Variants in MSI2 observed in about 807,000 individuals in gnomAD.
MSI2 encodes the protein RNA-binding protein Musashi homolog 2.
MSI2 carries 17 observed loss-of-function variants against 45.6 expected under a neutral mutation model. The ratio of observed to expected loss-of-function variants is 0.37; its 90% CI spans 0.26 to 0.56. MSI2 has a LOEUF of 0.56. Ranked by LOEUF, MSI2 falls within the 20% of genes least tolerant of loss-of-function variation. The pLI is 0.77. For synonymous variants in MSI2, 156 were observed against 158.2 expected, an observed-to-expected ratio of 0.99 and a Z score of 0.11; for missense variants, 293 against 444.2, an observed-to-expected ratio of 0.66 and a Z score of 3.06.
At chr17:57,276,113 G>T (rs77404000) in intron 5 of MSI2, among the ~76,000 whole-genome samples, 2,400 of 152,278 alleles carry the variant, frequency 0.016, 61 homozygotes, top group African/African-American at 0.055. Context: ...AGAAGATTCT[G>T]TAGGGGTTTT....
intron 5 of MSI2, among the ~76,000 whole-genome samples, chr17:57,354,899 T>C (rs1273857238): frequency 6.6e-6 from 1 of 152,014 alleles, no homozygotes; most frequent in African/African-American, 2.4e-5. Context: ...GTGGAAGTGG[T>C]TTTATGGGGC....
chr17:57,309,446 T>C (rs1912183713), intron 5 of MSI2, among the ~76,000 whole-genome samples: 1 of 152,186 alleles, frequency 6.6e-6, no homozygotes, highest in Admixed American at 6.5e-5. Context: ...AATAAGTGGC[T>C]TTAATCGTCT....
chr17:57,589,951 C>T (rs1210115919), intron 7 of MSI2, among the ~76,000 whole-genome samples: 2 of 152,164 alleles, frequency 1.3e-5, no homozygotes, highest in Non-Finnish European at 2.9e-5. Context: ...GAAAGTGCTC[C>T]CCACACCCAC....
intron 10 of MSI2, among the ~76,000 whole-genome samples, chr17:57,635,094 A>G (rs1316447680): frequency 3.3e-5 from 5 of 152,236 alleles, no homozygotes; most frequent in African/African-American, 1.2e-4. Context: ...GTAGACACTT[A>G]GCAATTTCTG....
At chr17:57,570,153 C>A (rs1187430773) in intron 7 of MSI2, among the ~76,000 whole-genome samples, 2 of 152,174 alleles carry the variant, frequency 1.3e-5, no homozygotes, top group South Asian at 2.1e-4. Context: ...CACAAAAAAG[C>A]TATAAAATTT....
intron 12 of MSI2, among the ~76,000 whole-genome samples, chr17:57,675,672 G>A (rs1913179309): frequency 6.6e-6 from 1 of 152,140 alleles, no homozygotes; most frequent in Non-Finnish European, 1.5e-5. Context: ...GCTGGAGCCC[G>A]GGAGGTGGTG....
intron 6 of MSI2, among the ~76,000 whole-genome samples, chr17:57,512,968 C>CTTTTTTTTTTTTTTTTTTTTTTTTT (rs34727727): frequency 1.7e-5 from 2 of 114,718 alleles, no homozygotes; most frequent in Non-Finnish European, 3.4e-5. Context: ...TAGCTTCTTC[C>CTTTTTTTTTTTTTTTTTTTTTTTTT]TTTTTTTTTT....
intron 5 of MSI2, among the ~76,000 whole-genome samples, chr17:57,304,357 C>T (rs1361545243): frequency 1.8e-5 from 1 of 55,112 alleles, no homozygotes; most frequent in Non-Finnish European, 3.9e-5. Context: ...ACTCTGTCTC[C>T]AAAAAAAAAA....
At chr17:57,492,424 G>C (rs903803939) in intron 6 of MSI2, among the ~76,000 whole-genome samples, 1 of 152,192 alleles carries the variant, frequency 6.6e-6, no homozygotes, top group African/African-American at 2.4e-5. Context: ...CAATACTGAG[G>C]GTTCTCAAAT....
intron 8 of MSI2, among the ~76,000 whole-genome samples, chr17:57,614,378 T>G (rs1196691991): frequency 1.3e-5 from 2 of 152,200 alleles, no homozygotes; most frequent in African/African-American, 4.8e-5. Context: ...AAACAATGTA[T>G]ATTGCACACA....
chr17:57,284,117 C>T (rs1174151266), intron 5 of MSI2, among the ~76,000 whole-genome samples: 1 of 152,178 alleles, frequency 6.6e-6, no homozygotes, highest in East Asian at 1.9e-4. Flanking sequence ...TCAAAAGGGG[C>T]CCGCTGAGTT....
At chr17:57,321,488 T>C (rs1055146504) in intron 5 of MSI2, among the ~76,000 whole-genome samples, 1 of 152,148 alleles carries the variant, frequency 6.6e-6, no homozygotes, top group Non-Finnish European at 1.5e-5. Flanking sequence ...GTTATGGAAA[T>C]GCCTCGGCTT....
intron 7 of MSI2, among the ~76,000 whole-genome samples, chr17:57,541,810 ACTCC>A (rs1416398626): frequency 2.0e-5 from 3 of 151,994 alleles, no homozygotes; most frequent in African/African-American, 7.3e-5. Context: ...ACCTTTGAGC[ACTCC>A]TTACGCATTT....
the MSI2 span, among the ~76,000 whole-genome samples, chr17:57,691,505 A>G: frequency 3.3e-5 from 5 of 152,172 alleles, no homozygotes; most frequent in Non-Finnish European, 7.4e-5. Flanking sequence ...TACACAAGGG[A>G]CATTTTTCTG....
intron 5 of MSI2, among the ~76,000 whole-genome samples, chr17:57,299,482 T>C (rs937155171): frequency 1.6e-4 from 24 of 152,162 alleles, no homozygotes; most frequent in African/African-American, 5.3e-4. Flanking sequence ...GGGTTATTAA[T>C]TGGGCTAATT....
At chr17:57,292,613 A>G (rs1010506008) in intron 5 of MSI2, among the ~76,000 whole-genome samples, 1 of 152,250 alleles carries the variant, frequency 6.6e-6, no homozygotes, top group Non-Finnish European at 1.5e-5. Context: ...CCAGTTGCTA[A>G]GGTGCCTGGA....
intron 7 of MSI2, among the ~76,000 whole-genome samples, chr17:57,591,186 C>T (rs1398611003): frequency 6.6e-6 from 1 of 152,150 alleles, no homozygotes; most frequent in Non-Finnish European, 1.5e-5. Context: ...TGCTACACCT[C>T]AGTTTGATGG....
intron 5 of MSI2, among the ~76,000 whole-genome samples, chr17:57,291,868 G>C (rs1436798562): frequency 6.6e-6 from 1 of 152,026 alleles, no homozygotes; most frequent in Non-Finnish European, 1.5e-5. Flanking sequence ...CCCTGAATGT[G>C]CCCGATCTCA....
chr17:57,518,438 A>G (rs1037990809), intron 6 of MSI2, among the ~76,000 whole-genome samples: 2 of 152,218 alleles, frequency 1.3e-5, no homozygotes, highest in African/African-American at 4.8e-5. Context: ...TTTCATGCCC[A>G]TCAATATCAG....
Sources: allele counts gnomAD v4.1 joint callset (sites outside exome capture counted in the v4.1 genomes callset), GRCh38; gene constraint gnomAD v4.1.1; transcripts MANE v1.5; gene names NCBI Gene and HGNC (gene_info 2026-07-23, HGNC 2026-07-21).